Variants in QRICH2 observed in about 807,000 individuals in gnomAD.
QRICH2 encodes glutamine-rich protein 2.
In QRICH2, 119 loss-of-function variants were observed where a neutral mutation model predicts 168.3. That is an observed-to-expected ratio of 0.71 (90% CI 0.61 to 0.82). The LOEUF is 0.82. QRICH2 is among the 40% of genes least tolerant of loss of function. The pLI, the probability that QRICH2 is intolerant of heterozygous loss-of-function variation, is 0.00. For synonymous variants in QRICH2, 894 were observed against 951.2 expected, an observed-to-expected ratio of 0.94 and a Z score of 1.11; for missense variants, 2,241 against 2,491.6, an observed-to-expected ratio of 0.90 and a Z score of 2.14.
At chr17:76,277,788 T>A (rs1310145805) in intron 15 of QRICH2, among the ~76,000 whole-genome samples, 1 of 151,378 alleles carries the variant, frequency 6.6e-6, no homozygotes, top group Non-Finnish European at 1.5e-5. Flanking sequence ...TTACACACAC[T>A]CATACATTGA....
intron 3 of QRICH2, among the ~76,000 whole-genome samples, chr17:76,304,175 T>G (rs1001580822): frequency 2.0e-5 from 3 of 152,170 alleles, no homozygotes; most frequent in Non-Finnish European, 4.4e-5. Flanking sequence ...ACAGCAGCCA[T>G]GGAAGGCAAT....
chr17:76,281,541 G>T lies in QRICH2; in HGVS notation c.4263+323C>A, dbSNP rs1440514539. On this transcript the variant is annotated intron_variant, in intron 8 of 18. Transcript: ENST00000680821. This position sits in a 1 kb window ranked among gnomAD's most constrained non-coding sequence, Gnocchi z 4.4. Reference sequence around the variant, plus strand: ...GGTTGGAAGACTCGCGTGCCAGGGAGTCAACATCTCCTACAGTTGGGCCTG... The same window carrying T: ...GGTTGGAAGACTCGCGTGCCAGGGATTCAACATCTCCTACAGTTGGGCCTG... 6.6e-6 allele frequency among the ~76,000 whole-genome samples: 1 copy of T among 152,232 alleles called. No homozygotes were observed. The highest frequency in any genetic ancestry group is 1.5e-5 in the Non-Finnish European group (1 of 68,034).
intron 1 of QRICH2, 84 bp from the exon 2 acceptor site, chr17:76,305,025 A>T: frequency 1.2e-6 from 1 of 807,956 alleles, no homozygotes; most frequent in Non-Finnish European, 2.1e-6. Flanking sequence ...ATGCGCACAC[A>T]CACTCTCACA....
At chr17:76,306,317 G>A (rs1019387291) in intron 1 of QRICH2, among the ~76,000 whole-genome samples, 1 of 152,134 alleles carries the variant, frequency 6.6e-6, no homozygotes, top group African/African-American at 2.4e-5. Context: ...TGATATGGCA[G>A]GAGGGCATGA....
upstream of QRICH2, among the ~76,000 whole-genome samples, chr17:76,308,785 G>A (rs1406346615): frequency 2.6e-4 from 40 of 151,648 alleles, no homozygotes; most frequent in Admixed American, 2.6e-3. Flanking sequence ...TTGCTCTGTC[G>A]CCCAGGCTGT....
rs764432932 is a variant in QRICH2 at position 76,291,036 on chromosome 17, G to C, written c.3691C>G (p.Gln1231Glu). ...QAGQTDLEKI[Q>E]FLLAQMVKRT... ...CCACCCATCTGTGCCAGCAGGAACT[G>C]GATCTTCTCCAAGTCGGTTTGGCCG... Residue 1231 changes from glutamine (Q) to glutamate (E), a missense_variant, in exon 4 of 19, where the codon CAG becomes GAG. Around this residue, in one of 3 missense-constraint regions of QRICH2, gnomAD observed 2,047 missense variants for 2,303.8 expected, o/e 0.89. Transcript: ENST00000680821. 3.7e-6 allele frequency: 6 copies of C among 1,613,196 alleles called. No individual in the cohort carries two copies. Among genetic ancestry groups the C allele is most frequent in the South Asian group, 3.3e-5 (3 of 91,080 alleles).
chr17:76,294,540 C>T (rs941766333), intron 3 of QRICH2, among the ~76,000 whole-genome samples: 1 of 151,286 alleles, frequency 6.6e-6, no homozygotes. Flanking sequence ...TGGCCAGGTG[C>T]GGTGGCTTAT....
intron 7 of QRICH2, among the ~76,000 whole-genome samples, chr17:76,284,406 T>C (rs1598483336): frequency 7.0e-6 from 1 of 142,966 alleles, no homozygotes; most frequent in Non-Finnish European, 1.5e-5. Context: ...AAGTCATCTA[T>C]CAAATAAGAG....
In QRICH2 at chr17:76,292,154, TGATCTGCACCAGGTTGGACCAAAC is replaced by T. The variant is rs764038223; in HGVS notation, c.2549_2572del (p.Gly850_Gln858delinsGlu). The T allele has an allele frequency of 2.0e-6, 3 of 1,521,284 alleles. No homozygotes were observed. In the Middle Eastern group the frequency reaches 5.2e-4, roughly 264 times the overall value. 94.2% of individuals were successfully genotyped at this position (1,521,284 alleles called of 1,614,324 possible). ...CACTCCAGGTTGGACCAAACCACGC[TGATCTGCACCAGGTTGGACCAAAC>T]CATGCTGAACTGCACCAGGTTGGAC... is the stretch of plus-strand genomic sequence containing the variant. On this transcript the variant is annotated inframe_deletion, in exon 4 of 19. Transcript: ENST00000680821.
intron 3 of QRICH2, among the ~76,000 whole-genome samples, chr17:76,294,693 A>G (rs1475194288): frequency 1.3e-5 from 2 of 151,250 alleles, no homozygotes; most frequent in African/African-American, 4.9e-5. Context: ...CATGCCTGTA[A>G]TCCCAGCTAC....
Position 76,293,058 on chromosome 17 carries a change from C to G in QRICH2, c.1669G>C (p.Ala557Pro), listed in dbSNP as rs778192209. The change falls in exon 4 of 19, where the codon GCA becomes CCA. Residue 557 changes from alanine (A) to proline (P), a missense_variant. This residue lies in a region of QRICH2 where 2,047 missense variants were observed against 2,303.8 expected (regional missense o/e 0.89). Coordinates refer to ENST00000680821, the MANE Select transcript of QRICH2 (RefSeq NM_001388453.1). Reference protein sequence around the residue: ...QQGFVQPSLEATGFIQPGTEQ... With the variant: ...QQGFVQPSLEPTGFIQPGTEQ... ...GTGCCAGGTTGTATGAAGCCAGTTG[C>G]TTCCAAACTGGGCTGCACAAAACCT... 1 of 1,614,214 alleles carries G rather than the reference C, an allele frequency of 6.2e-7. No individual in the cohort carries two copies. The highest frequency in any genetic ancestry group is 8.5e-7 in the Non-Finnish European group (1 of 1,180,044).
chr17:76,286,704 G>A (rs1010052886), intron 7 of QRICH2, among the ~76,000 whole-genome samples: 6 of 151,660 alleles, frequency 4.0e-5, no homozygotes, highest in African/African-American at 9.7e-5. Context: ...GTGAAACCCC[G>A]TCTCTACTAA....
chr17:76,307,634 C>A lies in QRICH2; in HGVS notation c.365G>T (p.Gly122Val), dbSNP rs1044748047. 4 of 1,505,926 alleles carry A rather than the reference C, an allele frequency of 2.7e-6. No individual in the cohort carries two copies. Among genetic ancestry groups the A allele is most frequent in the Middle Eastern group, 3.9e-4 (2 of 5,164 alleles). The allele number at this position is 1,505,926 out of a possible 1,614,324, so 93.3% of individuals were successfully genotyped here. ...GTGCGTGGCGATGCCCTGCACCTGG[C>A]CGTCCACACGCTTGAGCTGCTTGCT... ...DLSKQLKRVD[G>V]QVQGIATHVQ... The change falls in exon 1 of 19, where the codon GGC (glycine) becomes GTC (valine). Residue 122 changes from glycine to valine, a missense_variant. Around this residue, in one of 3 missense-constraint regions of QRICH2, gnomAD observed 2,047 missense variants for 2,303.8 expected, o/e 0.89. Coordinates refer to ENST00000680821, the MANE Select transcript of QRICH2 (RefSeq NM_001388453.1). This position sits in a 1 kb window ranked among gnomAD's most constrained non-coding sequence, Gnocchi z 5.3.
chr17:76,308,566 CTA>C (rs1356269477), upstream of QRICH2: 1 of 832,444 alleles, frequency 1.2e-6, no homozygotes, highest in East Asian at 1.2e-4. Flanking sequence ...GGCCCCATGT[CTA>C]TGGCCCCATG....
Position 76,292,737 on chromosome 17 carries a change from C to G in QRICH2, c.1990G>C (p.Gly664Arg). 2 of 1,613,030 alleles carry G rather than the reference C, an allele frequency of 1.2e-6. No homozygotes were observed. Among genetic ancestry groups the G allele is most frequent in the Non-Finnish European group, 1.7e-6 (2 of 1,179,842 alleles). Residue 664 changes from glycine to arginine, a missense_variant, in exon 4 of 19, where the codon GGT becomes CGT. Gly to Arg is a moderately radical substitution (Grantham distance 125). This residue lies in a region of QRICH2 where 2,047 missense variants were observed against 2,303.8 expected (regional missense o/e 0.89). Coordinates refer to ENST00000680821, the MANE Select transcript of QRICH2 (RefSeq NM_001388453.1). The part of the protein sequence containing the change: ...GTGQGVLVQP[G>R]VDQPGMVQPG... ...TGGACCATGCCAGGCTGATCTACACCAGGCTGTACCAAGACACCCTGACCT... is the reference window on the plus strand; with the variant it reads ...TGGACCATGCCAGGCTGATCTACACGAGGCTGTACCAAGACACCCTGACCT...
At chr17:76,289,659 T>C (rs1342013623) in intron 5 of QRICH2, among the ~76,000 whole-genome samples, 1 of 147,496 alleles carries the variant, frequency 6.8e-6, no homozygotes, top group East Asian at 2.2e-4. Context: ...AAGTGGGGGC[T>C]GGGCACGGTG....
chr17:76,287,956 G>A (rs1368489903), intron 5 of QRICH2, 59 bp from the exon 6 acceptor site: 44 of 1,342,024 alleles, frequency 3.3e-5, no homozygotes, highest in Non-Finnish European at 4.6e-5. Flanking sequence ...TCCCAAGTGT[G>A]CCCTTGCATG....
intron 3 of QRICH2, among the ~76,000 whole-genome samples, chr17:76,296,734 C>T (rs1489836056): frequency 4.2e-5 from 6 of 143,584 alleles, no homozygotes; most frequent in Non-Finnish European, 3.0e-5. Flanking sequence ...GCTGAGATCA[C>T]ACCACTGCAC....
intron 1 of QRICH2, among the ~76,000 whole-genome samples, chr17:76,306,653 G>A (rs1437282317): frequency 1.3e-5 from 2 of 152,176 alleles, no homozygotes; most frequent in African/African-American, 2.4e-5. Flanking sequence ...TTGGGAGGCC[G>A]AGGCGGGCAG....
Sources: gnomAD v4.1 joint callset for allele counts (sites outside exome capture counted in the v4.1 genomes callset) on GRCh38, gnomAD v4.1.1 for gene constraint, gnomAD v4.1.1 regional missense constraint, Gnocchi (gnomAD v3.1) non-coding constraint, MANE v1.5 for transcripts, NCBI Gene and HGNC (gene_info 2026-07-23, HGNC 2026-07-21) for gene names.